COL19A1: variants seen among roughly 807,000 people sequenced by gnomAD.
COL19A1 encodes the protein collagen alpha-1(XIX) chain.
A neutral mutation model predicts 190.2 loss-of-function variants in COL19A1; 159 were observed. That is an observed-to-expected ratio of 0.84 (90% CI 0.73 to 0.95). The LOEUF (loss-of-function observed/expected upper bound fraction) is 0.95. Among genes scored for constraint, COL19A1 ranks in the 40% least tolerant of loss-of-function variants. COL19A1 has a pLI of 0.00. For missense variants in COL19A1, 1,418 were observed against 1,431.9 expected (o/e 0.99, Z 0.16); for synonymous variants, 509 against 458.9 (o/e 1.11, Z -1.39).
chr6:70,037,187 G>T (rs1280263960), intron 14 of COL19A1, among the ~76,000 whole-genome samples: 1 of 151,886 alleles, frequency 6.6e-6, no homozygotes, highest in African/African-American at 2.4e-5. Flanking sequence ...ACAGAGTCTT[G>T]CTCTGTCACC....
At chr6:70,099,049 C>G (rs1272273413) in intron 15 of COL19A1, among the ~76,000 whole-genome samples, 1 of 115,460 alleles carries the variant, frequency 8.7e-6, no homozygotes, top group Non-Finnish European at 1.8e-5. Context: ...TAGTGAGACC[C>G]TGTCTCTAAA....
At position 70,113,711 on chromosome 6, in the gene COL19A1, GCT is replaced by G. The variant is rs541546164; in HGVS notation, c.1279-8164_1279-8163del. Among the ~76,000 whole-genome samples, 374 of 151,792 alleles carry G rather than the reference GCT, an allele frequency of 2.5e-3. 3 individuals carry two copies. Among genetic ancestry groups the G allele is most frequent in the African/African-American group, 8.6e-3 (357 of 41,356 alleles). ...CCTAACTCTGATCTTTCTTTCTCCT[GCT>G]CTCTTTCTAGTAGAAGCCCTCCATG... is the stretch of plus-strand genomic sequence containing the variant. On this transcript the variant is annotated intron_variant, in intron 16 of 50. Transcript: ENST00000620364.
chr6:70,111,725 A>T (rs1017804663), intron 16 of COL19A1, among the ~76,000 whole-genome samples: 1 of 152,168 alleles, frequency 6.6e-6, no homozygotes, highest in African/African-American at 2.4e-5. Flanking sequence ...TTTCCTGAGC[A>T]CACTGTCTAT....
intron 31 of COL19A1, among the ~76,000 whole-genome samples, chr6:70,151,815 C>G (rs554851394): frequency 6.6e-6 from 1 of 152,186 alleles, no homozygotes; most frequent in African/African-American, 2.4e-5. Context: ...TACTGTGAAA[C>G]CTAATCTTTC....
intron 23 of COL19A1, 91 bp from the exon 24 acceptor site, chr6:70,144,119 C>A: frequency 2.6e-6 from 3 of 1,159,454 alleles, no homozygotes; most frequent in South Asian, 1.4e-5. Context: ...TGTTAAAATT[C>A]TGTTCTCTTG....
rs1305417094 is a variant in COL19A1, at chr6:70,092,444, C to A, written c.1225-9725C>A. Among the ~76,000 whole-genome samples the A allele has an allele frequency of 2.0e-5, 3 of 152,080 alleles. No individual in the cohort carries two copies. The East Asian group carries it at 5.8e-4, about 29-fold the overall frequency. On this transcript the variant is annotated intron_variant, in intron 15 of 50. Coordinates refer to ENST00000620364, the MANE Select transcript of COL19A1 (RefSeq NM_001858.6). Reference sequence around the variant, plus strand: ...TCTTAATCATCTTAATATATTTTCCCCAACACAGCAGGTAAAACAGACAGT... The same window carrying A: ...TCTTAATCATCTTAATATATTTTCCACAACACAGCAGGTAAAACAGACAGT...
At chr6:70,125,548 C>T (rs1195350677) in intron 17 of COL19A1, among the ~76,000 whole-genome samples, 2 of 151,632 alleles carry the variant, frequency 1.3e-5, no homozygotes, top group Non-Finnish European at 2.9e-5. Context: ...GAAACCCTCT[C>T]TCCTCACAGC....
At chr6:70,105,316 C>G (rs2150191845) in intron 16 of COL19A1, among the ~76,000 whole-genome samples, 1 of 152,146 alleles carries the variant, frequency 6.6e-6, no homozygotes, top group Non-Finnish European at 1.5e-5. Flanking sequence ...CACCACCACG[C>G]CCAGCCAATT....
At chr6:69,904,258 A>C (rs1219170520) in intron 4 of COL19A1, among the ~76,000 whole-genome samples, 2 of 152,172 alleles carry the variant, frequency 1.3e-5, no homozygotes, top group African/African-American at 2.4e-5. Flanking sequence ...TATGATCGCC[A>C]TTTACTCACA....
intron 15 of COL19A1, among the ~76,000 whole-genome samples, chr6:70,092,513 T>C (rs1465693981): frequency 6.9e-6 from 1 of 145,808 alleles, no homozygotes; most frequent in East Asian, 1.9e-4. Flanking sequence ...TTTGATAGGG[T>C]TTTTTTCTGA....
chr6:70,150,559 T>G (rs1006022003), intron 30 of COL19A1, among the ~76,000 whole-genome samples: 4 of 152,158 alleles, frequency 2.6e-5, no homozygotes, highest in Non-Finnish European at 5.9e-5. Context: ...TAAACCTTGC[T>G]TTGAGCAACA....
At chr6:70,099,055 CTA>C (rs1491291712) in intron 15 of COL19A1, among the ~76,000 whole-genome samples, 1 of 33,000 alleles carries the variant, frequency 3.0e-5, no homozygotes, top group African/African-American at 1.4e-4. Flanking sequence ...GACCCTGTCT[CTA>C]AAAAAAAAAA....
chr6:70,061,972 A>G (rs1035207234), intron 14 of COL19A1, among the ~76,000 whole-genome samples: 3 of 151,942 alleles, frequency 2.0e-5, no homozygotes, highest in Non-Finnish European at 4.4e-5. Flanking sequence ...ATCCAACATT[A>G]CTTGATTATA....
At chr6:69,922,647 A>C (rs1772065206) in intron 4 of COL19A1, among the ~76,000 whole-genome samples, 1 of 151,808 alleles carries the variant, frequency 6.6e-6, no homozygotes, top group South Asian at 2.1e-4. Context: ...TGCCTGACTA[A>C]TTTTTGTATT....
chr6:70,028,870 A>G (rs1020385355), intron 12 of COL19A1, among the ~76,000 whole-genome samples: 1 of 152,186 alleles, frequency 6.6e-6, no homozygotes, highest in Non-Finnish European at 1.5e-5. Flanking sequence ...AACATTCACT[A>G]TTATTAGAAA....
rs142382589 is a variant in COL19A1 at position 70,147,237 on chromosome 6, A to G, written c.1893+348A>G. Among the ~76,000 whole-genome samples, 350 of 152,312 alleles carry G rather than the reference A, an allele frequency of 2.3e-3. 1 individual carries two copies. Among genetic ancestry groups the G allele is most frequent in the Middle Eastern group, 3.4e-3 (1 of 294 alleles). On this transcript the variant is annotated intron_variant, in intron 27 of 50. Coordinates refer to ENST00000620364, the MANE Select transcript of COL19A1 (RefSeq NM_001858.6). The stretch of plus-strand genomic sequence containing the variant: ...CAATATATATTACAGCTTGTTTTTA[A>G]TTAAGTTAAAACAAGAAATTAATAT...
chr6:70,177,172 A>G (rs754101902), intron 42 of COL19A1, among the ~76,000 whole-genome samples: 2 of 152,086 alleles, frequency 1.3e-5, no homozygotes, highest in African/African-American at 2.4e-5. Context: ...GATCATTCTG[A>G]TCTTCATTCA....
In COL19A1 at chr6:69,962,858, A is replaced by C. The variant is rs1378185034; in HGVS notation, c.1014A>C (p.Glu338Asp). The C allele has an allele frequency of 5.0e-6, 8 of 1,607,842 alleles. No individual in the cohort carries two copies. Among genetic ancestry groups the C allele is most frequent in the South Asian group, 1.1e-5 (1 of 90,292 alleles). The change falls in exon 11 of 51, where the codon GAA becomes GAC. Residue 338 changes from glutamate to aspartate, a missense_variant. Transcript: ENST00000620364. ...AAGGTTTTGAAGGCAGCAAAGGAGA[A>C]ACTGGTGAAAAGGTAAATATCTCTT... Reference protein sequence around the residue: ...GEQGFEGSKGETGEKGEQGEK... With the variant: ...GEQGFEGSKGDTGEKGEQGEK...
At chr6:69,965,303 A>G (rs1775028366) in intron 11 of COL19A1, among the ~76,000 whole-genome samples, 1 of 152,074 alleles carries the variant, frequency 6.6e-6, no homozygotes, top group Admixed American at 6.5e-5. Flanking sequence ...CCAGAAACAC[A>G]TAGTTACGGT....
Sources: allele counts gnomAD v4.1 joint callset (sites outside exome capture counted in the v4.1 genomes callset), GRCh38; gene constraint gnomAD v4.1.1; transcripts MANE v1.5; gene names NCBI Gene and HGNC (gene_info 2026-07-23, HGNC 2026-07-21).